The following NPY2R variants were observed in gnomAD, a reference collection of about 807,000 sequenced individuals.
The protein encoded by NPY2R is neuropeptide Y receptor Y2.
NPY2R carries 17 observed loss-of-function variants against 22.3 expected under a neutral mutation model. The ratio of observed to expected loss-of-function variants is 0.76; its 90% CI spans 0.52 to 1.14. The LOEUF (loss-of-function observed/expected upper bound fraction) is 1.14, where lower values mean the gene tolerates loss of function less well. Ranked by LOEUF, NPY2R falls within the 50% of genes most tolerant of loss-of-function variation. The pLI, the probability that NPY2R is intolerant of heterozygous loss-of-function variation, is 0.00. For missense variants in NPY2R, 424 were observed against 467.9 expected (o/e 0.91, Z 0.87); for synonymous variants, 209 against 183.4 (o/e 1.14, Z -1.13).
upstream of NPY2R, among the ~76,000 whole-genome samples, chr4:155,205,915 G>T (rs1324655100): frequency 6.6e-6 from 1 of 151,566 alleles, no homozygotes; most frequent in African/African-American, 2.4e-5. Context: ...AAATTAATTT[G>T]GTTTATTTAA....
Position 155,214,167 on chromosome 4 carries a change from CA to C in NPY2R, c.231del (p.Lys77AsnfsTer8). On this transcript the variant is annotated frameshift_variant, in exon 2 of 2. Transcript: ENST00000329476. LOFTEE classifies it high-confidence loss of function. ...GNSLVIHVVI[K>X]FKSMRTVTNF... ...ACTCCTTGGTGATCCATGTGGTGATCAAATTCAAGAGCATGCGCACAGTAAC... is the reference window on the plus strand; with the variant it reads ...ACTCCTTGGTGATCCATGTGGTGATCAATTCAAGAGCATGCGCACAGTAAC... 3 of 1,613,982 alleles carry C rather than the reference CA, an allele frequency of 1.9e-6. No individual in the cohort carries two copies. The highest frequency in any genetic ancestry group is 2.5e-6 in the Non-Finnish European group (3 of 1,179,848).
In NPY2R at chr4:155,214,630, C is replaced by A. The variant is rs757481746; in HGVS notation, c.691C>A (p.Pro231Thr). Residue 231 changes from proline (P) to threonine (T), a missense_variant, in exon 2 of 2, where the codon CCT (proline) becomes ACT (threonine). Physicochemically the swap from Pro to Thr is conservative, Grantham distance 38. Transcript: ENST00000329476. The stretch of plus-strand genomic sequence containing the variant: ...TTCCTTGTTGATCTTGTATGTTTTG[C>A]CTCTGGGCATTATATCATTTTCCTA... ...LSSLLILYVL[P>T]LGIISFSYTR... 6.2e-7 allele frequency: 1 copy of A among 1,614,136 alleles called. No homozygotes were observed. The highest frequency in any genetic ancestry group is 8.5e-7 in the Non-Finnish European group (1 of 1,180,000).
rs1460092138 is a variant in NPY2R at position 155,215,251 on chromosome 4, T to G, written c.*166T>G. The stretch of plus-strand genomic sequence containing the variant: ...GAAAACTGGCTGGGCAGAGCCTGTG[T>G]GAAAATACTGGAATTCAAAGATAAG... On this transcript the variant is annotated 3_prime_UTR_variant, in exon 2 of 2. Transcript: ENST00000329476. 1 of 733,054 alleles carries G rather than the reference T, an allele frequency of 1.4e-6. No individual in the cohort carries two copies. The highest frequency in any genetic ancestry group is 1.8e-5 in the African/African-American group (1 of 56,758). 45.4% of individuals were successfully genotyped at this position (733,054 alleles called of 1,614,324 possible). A position where few individuals can be genotyped will look rare whatever the true frequency, so the allele number is the denominator to read the frequency against.
the NPY2R span, among the ~76,000 whole-genome samples, chr4:155,180,746 A>G: frequency 6.6e-6 from 1 of 152,102 alleles, no homozygotes; most frequent in African/African-American, 2.4e-5. Context: ...GTATTAGAGT[A>G]GGCATGTTAG....
chr4:155,214,515 T>A lies in NPY2R; in HGVS notation c.576T>A (p.Ile192=). 6.2e-7 allele frequency: 1 copy of A among 1,612,936 alleles called. No homozygotes were observed. ...CCATCTTCCGGGAGTATTCGCTGAT[T>A]GAGATCATCCCGGACTTTGAGATTG... The part of the protein sequence containing the change: ...PLAIFREYSL[I]EIIPDFEIVA... The change falls in exon 2 of 2, where the codon ATT becomes ATA. Residue 192 remains isoleucine (I), a synonymous_variant. Coordinates refer to ENST00000329476, the MANE Select transcript of NPY2R (RefSeq NM_000910.4).
chr4:155,205,268 T>G (rs1023657402), upstream of NPY2R, among the ~76,000 whole-genome samples: 5 of 152,244 alleles, frequency 3.3e-5, no homozygotes, highest in African/African-American at 1.2e-4. Context: ...TCTGTGGGAC[T>G]GCATTGTTTT....
At chr4:155,195,317 T>C in the NPY2R span, among the ~76,000 whole-genome samples, 4 of 151,932 alleles carry the variant, frequency 2.6e-5, no homozygotes, top group Non-Finnish European at 5.9e-5. Flanking sequence ...CGTTAAGTGC[T>C]TCTTAAAATT....
the NPY2R span, among the ~76,000 whole-genome samples, chr4:155,200,421 C>CA: frequency 6.6e-6 from 1 of 152,100 alleles, no homozygotes; most frequent in Non-Finnish European, 1.5e-5. Context: ...TAAATTAGTT[C>CA]AAACATTGTG....
the NPY2R span, among the ~76,000 whole-genome samples, chr4:155,203,234 G>A: frequency 4.3e-4 from 66 of 152,178 alleles, no homozygotes; most frequent in Non-Finnish European, 6.8e-4. Context: ...AGTAGCATAC[G>A]TTTTACTTTG....
chr4:155,205,538 A>T (rs1005797765), upstream of NPY2R, among the ~76,000 whole-genome samples: 2 of 152,180 alleles, frequency 1.3e-5, no homozygotes, highest in African/African-American at 2.4e-5. Context: ...GCTATCTAAA[A>T]TATTTGGATT....
upstream of NPY2R, among the ~76,000 whole-genome samples, chr4:155,205,757 A>G (rs573646908): frequency 3.9e-5 from 6 of 152,204 alleles, no homozygotes; most frequent in Admixed American, 1.3e-4. Context: ...GACATCAAAT[A>G]CTAATATAAC....
At chr4:155,203,766 C>G (rs774522045), upstream of NPY2R, among the ~76,000 whole-genome samples, 3 of 152,126 alleles carry the variant, frequency 2.0e-5, no homozygotes, top group Non-Finnish European at 2.9e-5. Flanking sequence ...AAAATATTCA[C>G]TAAACGTATC....
the NPY2R span, among the ~76,000 whole-genome samples, chr4:155,181,008 A>T: frequency 1.3e-5 from 2 of 152,050 alleles, no homozygotes; most frequent in African/African-American, 4.8e-5. Flanking sequence ...AAAGTTGAAG[A>T]CATAAACAAA....
the NPY2R span, among the ~76,000 whole-genome samples, chr4:155,197,387 C>A: frequency 6.6e-6 from 1 of 151,742 alleles, no homozygotes; most frequent in Non-Finnish European, 1.5e-5. Context: ...TGTGTGACTT[C>A]TCTACTTTTC....
the NPY2R span, among the ~76,000 whole-genome samples, chr4:155,177,689 T>G: frequency 6.6e-6 from 1 of 152,038 alleles, no homozygotes; most frequent in Non-Finnish European, 1.5e-5. Context: ...TTGTGCTTTC[T>G]GAGGGATCCT....
the NPY2R span, among the ~76,000 whole-genome samples, chr4:155,200,942 G>A: frequency 1.3e-5 from 2 of 152,162 alleles, no homozygotes; most frequent in East Asian, 1.9e-4. Context: ...GATAGGTGCA[G>A]CGAATCACCA....
the NPY2R span, among the ~76,000 whole-genome samples, chr4:155,192,086 G>A: frequency 6.6e-6 from 1 of 151,750 alleles, no homozygotes; most frequent in Non-Finnish European, 1.5e-5. Context: ...TTTTCTGTAA[G>A]GTAGGGGTAT....
At chr4:155,197,562 T>A in the NPY2R span, among the ~76,000 whole-genome samples, 1 of 151,874 alleles carries the variant, frequency 6.6e-6, no homozygotes, top group South Asian at 2.1e-4. Context: ...CTCCATAAAA[T>A]ACTGACGTAT....
At chr4:155,211,608 G>T (rs906416241) in intron 1 of NPY2R, among the ~76,000 whole-genome samples, 1 of 152,140 alleles carries the variant, frequency 6.6e-6, no homozygotes, top group African/African-American at 2.4e-5. Context: ...ATTAATGAAA[G>T]CATACATGTA....
Sources: gnomAD v4.1 joint callset for allele counts (sites outside exome capture counted in the v4.1 genomes callset) on GRCh38, gnomAD v4.1.1 for gene constraint, MANE v1.5 for transcripts, NCBI Gene and HGNC (gene_info 2026-07-23, HGNC 2026-07-21) for gene names.